The following CLIC5 variants were observed in gnomAD, a reference collection of about 807,000 sequenced individuals.
CLIC5 encodes chloride intracellular channel protein 5.
Under a neutral mutation model 24.7 loss-of-function variants are expected in CLIC5, and 20 were observed. The observed-to-expected ratio is 0.81, with a 90% CI of 0.57 to 1.18. The LOEUF is 1.18. Among genes scored for constraint, CLIC5 ranks in the 50% most tolerant of loss-of-function variants. CLIC5 has a pLI of 0.00. For missense variants in CLIC5, 341 were observed against 326.1 expected (o/e 1.05, Z -0.35); for synonymous variants, 159 against 135.6 (o/e 1.17, Z -1.20).
At chr6:46,064,704 G>T (rs928136009) in intron 1 of CLIC5, among the ~76,000 whole-genome samples, 2 of 151,920 alleles carry the variant, frequency 1.3e-5, no homozygotes, top group African/African-American at 4.8e-5. Flanking sequence ...AAAATTAATC[G>T]ATGTATTTGA....
At chr6:46,103,541 C>T in the CLIC5 span, among the ~76,000 whole-genome samples, 1 of 152,240 alleles carries the variant, frequency 6.6e-6, no homozygotes, top group East Asian at 1.9e-4. Context: ...CCTTTGCTAG[C>T]CAGGCCTCCT....
At position 45,902,938 on chromosome 6, in the gene CLIC5, A is replaced by G; in HGVS notation, c.*150T>C. On this transcript the variant is annotated 3_prime_UTR_variant, in exon 6 of 6. Transcript: ENST00000339561. The stretch of plus-strand genomic sequence containing the variant: ...GATGGTGCTGACCTTCATGAAAGAT[A>G]GCAGGCTGGAGTTCCCATGATACCA... The G allele has an allele frequency of 1.3e-6, 1 of 778,882 alleles. No individual in the cohort carries two copies. The highest frequency in any genetic ancestry group is 1.7e-5 in the African/African-American group (1 of 57,910). 48.2% of individuals were successfully genotyped at this position (778,882 alleles called of 1,614,324 possible).
intron 5 of CLIC5, chr6:45,912,045 G>A (rs1762840095): frequency 4.1e-6 from 4 of 985,870 alleles, no homozygotes; most frequent in Non-Finnish European, 4.8e-6. Context: ...AGGGGGTAAG[G>A]ATGCACACGG....
chr6:45,949,667 A>G (rs1464792684), intron 2 of CLIC5, among the ~76,000 whole-genome samples: 1 of 152,204 alleles, frequency 6.6e-6, no homozygotes, highest in African/African-American at 2.4e-5. Context: ...CCAGGTGACT[A>G]TCTAAGTCAG....
chr6:46,012,969 CCTT>C, intron 1 of CLIC5, among the ~76,000 whole-genome samples: 1 of 152,294 alleles, frequency 6.6e-6, no homozygotes, highest in South Asian at 2.1e-4. Context: ...TGCAATCTTT[CCTT>C]CTTCTTATCA....
chr6:46,054,576 C>A (rs546168825), intron 1 of CLIC5, among the ~76,000 whole-genome samples: 1 of 152,204 alleles, frequency 6.6e-6, no homozygotes, highest in Non-Finnish European at 1.5e-5. Flanking sequence ...CTCCCCCACA[C>A]CCCTGACAAC....
intron 4 of CLIC5, among the ~76,000 whole-genome samples, chr6:45,940,756 C>T (rs3777578): frequency 0.084 from 12,850 of 152,226 alleles, 1,148 homozygotes; most frequent in East Asian, 0.37. Context: ...TCCAAGCCCC[C>T]CAGGTTGGCA....
At chr6:46,090,073 T>C in the CLIC5 span, among the ~76,000 whole-genome samples, 1 of 152,176 alleles carries the variant, frequency 6.6e-6, no homozygotes, top group Admixed American at 6.5e-5. Context: ...CTTCCATTAC[T>C]TAAAAACGAC....
intron 4 of CLIC5, among the ~76,000 whole-genome samples, chr6:45,915,217 C>T (rs1013866491): frequency 3.9e-5 from 6 of 152,020 alleles, no homozygotes; most frequent in Non-Finnish European, 8.8e-5. Flanking sequence ...TGAGAGCCAC[C>T]ATGCCTGGCC....
At chr6:46,115,359 C>T in the CLIC5 span, among the ~76,000 whole-genome samples, 1 of 152,110 alleles carries the variant, frequency 6.6e-6, no homozygotes, top group African/African-American at 2.4e-5. Flanking sequence ...ATTAATTTAC[C>T]AAATTTCTTG....
At chr6:46,100,824 G>A in the CLIC5 span, among the ~76,000 whole-genome samples, 1 of 152,072 alleles carries the variant, frequency 6.6e-6, no homozygotes, top group Non-Finnish European at 1.5e-5. Flanking sequence ...AAATTTATTC[G>A]TGTGCACACA....
chr6:46,078,268 G>A (rs1311462222), intron 1 of CLIC5, among the ~76,000 whole-genome samples: 1 of 152,084 alleles, frequency 6.6e-6, no homozygotes, highest in Non-Finnish European at 1.5e-5. Flanking sequence ...GCTGAAGCAG[G>A]AGAATCATTT....
the CLIC5 span, among the ~76,000 whole-genome samples, chr6:46,125,277 G>T: frequency 6.6e-6 from 1 of 152,084 alleles, no homozygotes; most frequent in Non-Finnish European, 1.5e-5. Context: ...TCCTTTGTAG[G>T]GACATGGATG....
intron 3 of CLIC5, among the ~76,000 whole-genome samples, chr6:45,944,686 C>A (rs914889598): frequency 6.6e-6 from 1 of 151,988 alleles, no homozygotes; most frequent in Admixed American, 6.6e-5. Flanking sequence ...CACAGCCAAC[C>A]AAGACACTGA....
intron 1 of CLIC5, among the ~76,000 whole-genome samples, chr6:46,011,895 G>A (rs1479972405): frequency 2.6e-5 from 4 of 152,174 alleles, no homozygotes; most frequent in African/African-American, 7.2e-5. Context: ...TGAGGAAGGA[G>A]CCAGGCCTTT....
intron 1 of CLIC5, among the ~76,000 whole-genome samples, chr6:46,065,344 AG>A (rs1422933246): frequency 7.8e-6 from 1 of 127,952 alleles, no homozygotes; most frequent in Admixed American, 8.3e-5. Flanking sequence ...ACAATTTTCA[AG>A]GTTTTTTTTT....
intron 1 of CLIC5, among the ~76,000 whole-genome samples, chr6:46,050,005 G>T (rs938042701): frequency 2.0e-5 from 3 of 152,136 alleles, no homozygotes; most frequent in Non-Finnish European, 4.4e-5. Flanking sequence ...AGGAATGTGT[G>T]CTCTGTGGGA....
intron 1 of CLIC5, among the ~76,000 whole-genome samples, chr6:46,034,283 A>G (rs371265514): frequency 6.6e-6 from 1 of 152,360 alleles, no homozygotes; most frequent in South Asian, 2.1e-4. Flanking sequence ...AAAGTTCCCC[A>G]GGTAATTCTA....
chr6:46,104,286 T>A, the CLIC5 span, among the ~76,000 whole-genome samples: 1 of 152,190 alleles, frequency 6.6e-6, no homozygotes, highest in Non-Finnish European at 1.5e-5. Context: ...TGACTTGTGA[T>A]GAAGTGAGAG....
Sources: allele counts gnomAD v4.1 joint callset (sites outside exome capture counted in the v4.1 genomes callset), GRCh38; gene constraint gnomAD v4.1.1; transcripts MANE v1.5; gene names NCBI Gene and HGNC (gene_info 2026-07-23, HGNC 2026-07-21).